LOXL2: variants seen among roughly 807,000 people sequenced by gnomAD.
LOXL2 encodes lysyl oxidase homolog 2.
In LOXL2, 70 loss-of-function variants were observed where a neutral mutation model predicts 93.0. That is an observed-to-expected ratio of 0.75 (90% CI 0.62 to 0.92). LOXL2 has a LOEUF of 0.92. Ranked by LOEUF, LOXL2 falls within the 40% of genes least tolerant of loss-of-function variation. The pLI, the probability that LOXL2 is intolerant of heterozygous loss-of-function variation, is 0.00. For missense variants in LOXL2, 973 were observed against 1,054.9 expected (o/e 0.92, Z 1.08); for synonymous variants, 438 against 413.2 (o/e 1.06, Z -0.73).
chr8:23,383,156 C>G lies in LOXL2; in HGVS notation c.-83-14722G>C, dbSNP rs538970640. ...TTCCATCGTGTGGGCCCTCTTGCCT[C>G]TCCACAACCCTCCTCCTTGAGGAAC... On this transcript the variant is annotated intron_variant, in intron 1 of 13. Transcript: ENST00000389131. Among the ~76,000 whole-genome samples the G allele has an allele frequency of 2.6e-5, 4 of 152,290 alleles. No homozygotes were observed. The East Asian group carries it at 7.7e-4, about 29-fold the overall frequency.
intron 4 of LOXL2, chr8:23,336,706 C>T (rs1216551894): frequency 4.6e-5 from 7 of 152,224 alleles, no homozygotes; most frequent in Admixed American, 3.9e-4. Context: ...GGAAATAGCA[C>T]AGAATGGGTT....
At chr8:23,376,724 C>T (rs1585377868) in intron 1 of LOXL2, among the ~76,000 whole-genome samples, 3 of 152,286 alleles carry the variant, frequency 2.0e-5, no homozygotes, top group Admixed American at 6.5e-5. Context: ...AGTTTATTTG[C>T]ATAGAGGTGT....
chr8:23,367,990 C>A lies in LOXL2; in HGVS notation c.355+7G>T. ...CAGCACTCAGATCCAAAGCACAGAG[C>A]GTTTACCTTCTCCCTTGCCGTAGGA... On this transcript the variant is annotated splice_region_variant and intron_variant, in intron 2 of 13. Coordinates refer to ENST00000389131, the MANE Select transcript of LOXL2 (RefSeq NM_002318.3). 2 of 1,607,454 alleles carry A rather than the reference C, an allele frequency of 1.2e-6. No homozygotes were observed. The highest frequency in any genetic ancestry group is 1.7e-6 in the Non-Finnish European group (2 of 1,176,454).
At chr8:23,354,935 A>ATG (rs1804162706) in intron 3 of LOXL2, among the ~76,000 whole-genome samples, 3 of 49,836 alleles carry the variant, frequency 6.0e-5, no homozygotes, top group African/African-American at 1.1e-4. Context: ...GAGTTGGAAT[A>ATG]TATATATATA....
chr8:23,355,950 A>C lies in LOXL2; in HGVS notation c.531+4140T>G, dbSNP rs1804190293. 2.0e-5 allele frequency among the ~76,000 whole-genome samples: 3 copies of C among 152,058 alleles called. No homozygotes were observed. In the South Asian group the frequency reaches 6.2e-4, roughly 32 times the overall value. On this transcript the variant is annotated intron_variant, in intron 3 of 13. Coordinates refer to ENST00000389131, the MANE Select transcript of LOXL2 (RefSeq NM_002318.3). Reference sequence around the variant, plus strand: ...CAATAGTTTTTCAGTTACTCTCCCTAAAGTCTGCACTCTGTGACTGTTTTT... The same window carrying C: ...CAATAGTTTTTCAGTTACTCTCCCTCAAGTCTGCACTCTGTGACTGTTTTT...
intron 7 of LOXL2, among the ~76,000 whole-genome samples, chr8:23,321,317 G>T (rs1563189624): frequency 1.3e-5 from 1 of 75,092 alleles, no homozygotes; most frequent in Non-Finnish European, 3.5e-5. Context: ...CTAGGACAGA[G>T]AGAAGGGTTT....
intron 4 of LOXL2, 119 bp downstream of exon 4, chr8:23,340,873 G>A: frequency 1.1e-6 from 1 of 922,754 alleles, no homozygotes; most frequent in East Asian, 2.5e-5. Context: ...TGCCTGCAGG[G>A]ACACCAGCTT....
intron 3 of LOXL2, among the ~76,000 whole-genome samples, chr8:23,342,347 C>G (rs1803895219): frequency 6.6e-6 from 1 of 152,186 alleles, no homozygotes; most frequent in Non-Finnish European, 1.5e-5. Context: ...CAGCCATCAC[C>G]AGCTCTTGCG....
intron 9 of LOXL2, among the ~76,000 whole-genome samples, chr8:23,310,261 T>C (rs893499942): frequency 3.3e-5 from 5 of 152,220 alleles, no homozygotes; most frequent in African/African-American, 9.6e-5. Context: ...TTGATTATAT[T>C]ATTCTACTTC....
chr8:23,302,266 G>A (rs898409545), intron 11 of LOXL2, 103 bp from the exon 12 acceptor site: 37 of 1,422,824 alleles, frequency 2.6e-5, no homozygotes, highest in African/African-American at 1.8e-4. Flanking sequence ...ATCTGGGCTC[G>A]GCATCCCACC....
At chr8:23,313,908 G>A (rs1290715124) in intron 9 of LOXL2, among the ~76,000 whole-genome samples, 1 of 143,744 alleles carries the variant, frequency 7.0e-6, no homozygotes, top group Non-Finnish European at 1.5e-5. Context: ...CTGACAAAGG[G>A]CTAATATCCA....
chr8:23,375,779 C>T (rs1291763075), intron 1 of LOXL2, among the ~76,000 whole-genome samples: 2 of 152,090 alleles, frequency 1.3e-5, no homozygotes, highest in African/African-American at 4.8e-5. Flanking sequence ...GATATTTGCA[C>T]ACTGATTTTG....
intron 12 of LOXL2, 151 bp from the exon 13 acceptor site, chr8:23,299,098 T>C (rs1803085467): frequency 3.4e-6 from 2 of 595,842 alleles, no homozygotes; most frequent in Non-Finnish European, 6.1e-6. Context: ...AACAAAGTCC[T>C]TGGGGAGGGG....
chr8:23,325,232 G>T (rs1034683515), intron 6 of LOXL2, among the ~76,000 whole-genome samples: 2 of 152,116 alleles, frequency 1.3e-5, no homozygotes, highest in African/African-American at 4.8e-5. Flanking sequence ...TAAAGCTAAC[G>T]TCATCTTTTT....
chr8:23,344,254 G>T lies in LOXL2; in HGVS notation c.532-3051C>A, dbSNP rs914852181. Among the ~76,000 whole-genome samples the T allele has an allele frequency of 4.2e-4, 64 of 152,364 alleles. 1 individual carries two copies. The highest frequency in any genetic ancestry group is 1.5e-3 in the African/African-American group (62 of 41,580). ...GGGAGAGCCCCGGGGGCTCCACGAT[G>T]AAGGCAATGCAGCCTGGAGAAGAGA... On this transcript the variant is annotated intron_variant, in intron 3 of 13. Coordinates refer to ENST00000389131, the MANE Select transcript of LOXL2 (RefSeq NM_002318.3).
chr8:23,318,172 G>GA (rs200535992), intron 8 of LOXL2, among the ~76,000 whole-genome samples: 12 of 69,406 alleles, frequency 1.7e-4, no homozygotes, highest in Admixed American at 4.0e-4. Flanking sequence ...GATCTTAAGG[G>GA]GTAAAAAAAA....
chr8:23,351,985 T>A (rs550088453), intron 3 of LOXL2, among the ~76,000 whole-genome samples: 1 of 152,312 alleles, frequency 6.6e-6, no homozygotes, highest in Admixed American at 6.5e-5. Flanking sequence ...TAATTTTTTG[T>A]ATTTTTAGTA....
At chr8:23,330,103 A>G (rs1803647166) in intron 5 of LOXL2, among the ~76,000 whole-genome samples, 1 of 152,190 alleles carries the variant, frequency 6.6e-6, no homozygotes, top group African/African-American at 2.4e-5. Context: ...AGGCGGGTGG[A>G]TCACGAGGTC....
chr8:23,388,984 C>T (rs1804805385), intron 1 of LOXL2, among the ~76,000 whole-genome samples: 1 of 152,120 alleles, frequency 6.6e-6, no homozygotes, highest in Admixed American at 6.5e-5. Flanking sequence ...GTCCAACAAG[C>T]ATCATTCATT....
Sources: allele counts gnomAD v4.1 joint callset (sites outside exome capture counted in the v4.1 genomes callset), GRCh38; gene constraint gnomAD v4.1.1; transcripts MANE v1.5; gene names NCBI Gene and HGNC (gene_info 2026-07-23, HGNC 2026-07-21).